ACTR10: variants seen among roughly 807,000 people sequenced by gnomAD.
ACTR10 encodes the protein actin related protein 10.
In ACTR10, 43 loss-of-function variants were observed where a neutral mutation model predicts 56.2. That is an observed-to-expected ratio of 0.77 (90% confidence interval 0.60 to 0.99). The LOEUF is 0.99. Among genes scored for constraint, ACTR10 ranks in the 50% least tolerant of loss-of-function variants. ACTR10 has a pLI of 0.00. For synonymous variants in ACTR10, 170 were observed against 176.3 expected (o/e 0.96, Z 0.28); for missense variants, 466 against 507.8 (o/e 0.92, Z 0.79).
Position 58,223,798 on chromosome 14 carries a change from C to G in ACTR10, c.730C>G (p.Pro244Ala). ...DGNNERPSPP[P>A]NVDYPLDGEK... ...TATATTTCAGCGTCCCTCCCCACCC[C>G]CAAATGTTGACTATCCATTAGATGG... Residue 244 changes from proline (P) to alanine (A), a missense_variant, in exon 10 of 13, where the codon CCA (proline) becomes GCA (alanine). Transcript: ENST00000254286. The G allele has an allele frequency of 6.2e-7, 1 of 1,613,206 alleles. No individual in the cohort carries two copies. The highest frequency in any genetic ancestry group is 1.1e-5 in the South Asian group (1 of 91,020).
chr14:58,233,959 G>C (rs1889605773), intron 12 of ACTR10, among the ~76,000 whole-genome samples: 1 of 152,090 alleles, frequency 6.6e-6, no homozygotes, highest in East Asian at 1.9e-4. Context: ...AGTATGTTAG[G>C]ACATTATGAT....
chr14:58,202,893 T>C lies in ACTR10; in HGVS notation c.116T>C (p.Ile39Thr), dbSNP rs1888760060. The C allele has an allele frequency of 6.2e-7, 1 of 1,608,222 alleles. No homozygotes were observed. Among genetic ancestry groups the C allele is most frequent in the Non-Finnish European group, 8.5e-7 (1 of 1,177,276 alleles). The change falls in exon 2 of 13, where the codon ATT becomes ACT. Residue 39 changes from isoleucine (I) to threonine (T), a missense_variant. Ile to Thr is a moderately conservative substitution (Grantham distance 89). Transcript: ENST00000254286. Reference protein sequence around the residue: ...FAGETGPRCIIPSVIKRAGMP... With the variant: ...FAGETGPRCITPSVIKRAGMP... ...GGAGAAACTGGTCCAAGATGTATAA[T>C]TCCTAGTGTGATAAAAAGAGCTGGG...
At chr14:58,213,752 G>C in intron 6 of ACTR10, 54 bp downstream of exon 6, 1 of 1,404,080 alleles carries the variant, frequency 7.1e-7, no homozygotes, top group Non-Finnish European at 1.0e-6. Context: ...AAAAACAGTT[G>C]CTAATCTGTT....
At chr14:58,220,751 T>C (rs574267894) in intron 8 of ACTR10, among the ~76,000 whole-genome samples, 27 of 152,350 alleles carry the variant, frequency 1.8e-4, no homozygotes, top group African/African-American at 6.3e-4. Context: ...TGGATGTTTA[T>C]TGTTAGTAGT....
intron 10 of ACTR10, among the ~76,000 whole-genome samples, chr14:58,228,235 G>T (rs1250529151): frequency 1.3e-5 from 2 of 152,178 alleles, no homozygotes; most frequent in African/African-American, 4.8e-5. Context: ...TGAGGTCCAG[G>T]ATGGCTGTTG....
Position 58,200,285 on chromosome 14 carries a change from C to A in ACTR10, c.68C>A (p.Ala23Asp). Reference sequence around the variant, plus strand: ...GCGGTCGTGATCGACCTGGGAGAGGCCTTTACCAAGTGAGTGGCCGTGACG... The same window carrying A: ...GCGGTCGTGATCGACCTGGGAGAGGACTTTACCAAGTGAGTGGCCGTGACG... ...KTAVVIDLGE[A>D]FTKCGFAGET... Residue 23 changes from alanine to aspartate, a missense_variant, in exon 1 of 13, where the codon GCC becomes GAC. Physicochemically the swap from Ala to Asp is moderately radical, Grantham distance 126 (BLOSUM62 -2). Transcript: ENST00000254286. 1.3e-6 allele frequency: 2 copies of A among 1,505,488 alleles called. No individual in the cohort carries two copies. Among genetic ancestry groups the A allele is most frequent in the Non-Finnish European group, 1.8e-6 (2 of 1,132,062 alleles). 93.3% of individuals were successfully genotyped at this position (1,505,488 alleles called of 1,614,324 possible). A position where few individuals can be genotyped will look rare whatever the true frequency, so the allele number is the denominator to read the frequency against.
At chr14:58,202,291 A>AC (rs1888731196) in intron 1 of ACTR10, among the ~76,000 whole-genome samples, 1 of 152,068 alleles carries the variant, frequency 6.6e-6, no homozygotes, top group Non-Finnish European at 1.5e-5. Flanking sequence ...AACAACTAGG[A>AC]AAAAAGTTGG....
intron 1 of ACTR10, among the ~76,000 whole-genome samples, chr14:58,201,064 G>A (rs556338462): frequency 1.6e-3 from 244 of 152,310 alleles, no homozygotes; most frequent in Non-Finnish European, 3.1e-3. Context: ...GAAGTAACAG[G>A]CAATTACATC....
intron 7 of ACTR10, among the ~76,000 whole-genome samples, chr14:58,219,133 T>C (rs184765077): frequency 6.6e-6 from 1 of 152,306 alleles, no homozygotes; most frequent in East Asian, 1.9e-4. Context: ...AAGTTAAAAA[T>C]TCTTAGTTTC....
rs985920827 is a variant in ACTR10, at chr14:58,208,941, T to C, written c.234-58T>C. 3 of 1,132,680 alleles carry C rather than the reference T, an allele frequency of 2.6e-6. No individual in the cohort carries two copies. In the Admixed American group the frequency reaches 5.7e-5, roughly 21 times the overall value. 70.2% of individuals were successfully genotyped at this position (1,132,680 alleles called of 1,614,324 possible). A position where few individuals can be genotyped will look rare whatever the true frequency, so the allele number is the denominator to read the frequency against. ...ACAGTTTCACTGTTCTTAAATTGTA[T>C]GACTTAACAAAATGAATAAAAACTT... On this transcript the variant is annotated intron_variant, in intron 3 of 12. Coordinates refer to ENST00000254286, the MANE Select transcript of ACTR10 (RefSeq NM_018477.3).
rs11622463 is a variant in ACTR10 at position 58,234,964 on chromosome 14, A to G, written c.*413A>G. On this transcript the variant is annotated 3_prime_UTR_variant, in exon 13 of 13. Transcript: ENST00000254286. ...CTCCTGAGTAGCTGGGACTATAGGC[A>G]TACGCCACCCCGCCCGGCTAATTTT... 0.38 allele frequency: 57,467 copies of G among 152,646 alleles called. 11,953 individuals carry two copies. Among genetic ancestry groups the G allele is most frequent in the Non-Finnish European group, 0.48 (32,680 of 68,602 alleles). 9.5% of individuals were successfully genotyped at this position (152,646 alleles called of 1,614,324 possible). A position where few individuals can be genotyped will look rare whatever the true frequency, so the allele number is the denominator to read the frequency against.
At chr14:58,228,913 G>T (rs551756366) in intron 10 of ACTR10, among the ~76,000 whole-genome samples, 9 of 151,792 alleles carry the variant, frequency 5.9e-5, no homozygotes, top group African/African-American at 2.2e-4. Context: ...GCTTAAAAAT[G>T]GAGTTTTATC....
chr14:58,228,154 A>G lies in ACTR10; in HGVS notation c.789-2245A>G, dbSNP rs1051285097. 2.0e-5 allele frequency among the ~76,000 whole-genome samples: 3 copies of G among 152,220 alleles called. No individual in the cohort carries two copies. The East Asian group carries it at 5.8e-4, about 29-fold the overall frequency. On this transcript the variant is annotated intron_variant, in intron 10 of 12. Coordinates refer to ENST00000254286, the MANE Select transcript of ACTR10 (RefSeq NM_018477.3). The stretch of plus-strand genomic sequence containing the variant: ...GTTCAGAGGTAGATCATCCAGGGAC[A>G]ATATTATCATCTCATATTAGAGACC...
chr14:58,200,434 A>G, intron 1 of ACTR10, 140 bp downstream of exon 1: 1 of 556,484 alleles, frequency 1.8e-6, no homozygotes, highest in East Asian at 3.6e-5. Flanking sequence ...CCTTGCAAAT[A>G]ACAGCTCTTA....
At position 58,232,073 on chromosome 14, in the gene ACTR10, T is replaced by G; in HGVS notation, c.878T>G (p.Ile293Arg). The change falls in exon 12 of 13, where the codon ATA becomes AGA. Residue 293 changes from isoleucine to arginine, a missense_variant. Ile to Arg is a moderately conservative substitution (Grantham distance 97). Coordinates refer to ENST00000254286, the MANE Select transcript of ACTR10 (RefSeq NM_018477.3). ...LILDSLIQCPIDTRKQLAENL... is the reference protein window; with the variant it reads ...LILDSLIQCPRDTRKQLAENL... Reference sequence around the variant, plus strand: ...TTTTCTTTTTAATAACAGTGTCCGATAGACACCAGGAAGCAACTAGCAGAG... The same window carrying G: ...TTTTCTTTTTAATAACAGTGTCCGAGAGACACCAGGAAGCAACTAGCAGAG... 1 of 1,611,712 alleles carries G rather than the reference T, an allele frequency of 6.2e-7. No homozygotes were observed. The highest frequency in any genetic ancestry group is 8.5e-7 in the Non-Finnish European group (1 of 1,178,170).
At chr14:58,210,061 G>A (rs1345352436) in intron 4 of ACTR10, among the ~76,000 whole-genome samples, 1 of 152,136 alleles carries the variant, frequency 6.6e-6, no homozygotes, top group Non-Finnish European at 1.5e-5. Context: ...ACAAGAAGTC[G>A]TGTCAGCTGT....
chr14:58,230,103 C>T (rs199782729), intron 10 of ACTR10, among the ~76,000 whole-genome samples: 9,739 of 152,044 alleles, frequency 0.064, 518 homozygotes, highest in East Asian at 0.23. Flanking sequence ...TATAATTGGA[C>T]ACAAAATAAA....
chr14:58,230,515 C>A, intron 11 of ACTR10, 35 bp downstream of exon 11: 1 of 1,115,952 alleles, frequency 9.0e-7, no homozygotes, highest in Non-Finnish European at 1.3e-6. Context: ...CCTTTATTAC[C>A]ACAGTCCTTT....
intron 8 of ACTR10, 142 bp downstream of exon 8, chr14:58,219,871 C>T (rs113794626): frequency 4.0e-5 from 21 of 525,224 alleles, no homozygotes; most frequent in Middle Eastern, 1.1e-3. Context: ...ATGGGATACT[C>T]TAAGTACAAA....
Sources: gnomAD v4.1 joint callset for allele counts (sites outside exome capture counted in the v4.1 genomes callset) on GRCh38, gnomAD v4.1.1 for gene constraint, MANE v1.5 for transcripts, NCBI Gene and HGNC (gene_info 2026-07-23, HGNC 2026-07-21) for gene names.